RHOA: variants seen among roughly 807,000 people sequenced by gnomAD.
RHOA encodes ras homolog family member A, also known as transforming protein RhoA.
Under a neutral mutation model 17.5 loss-of-function variants are expected in RHOA, and 3 were observed. That is an observed-to-expected ratio of 0.17 (90% confidence interval 0.08 to 0.44). RHOA has a LOEUF of 0.44. Among genes scored for constraint, RHOA ranks in the 20% least tolerant of loss-of-function variants. The probability of loss-of-function intolerance (pLI) is 0.99; values close to 1 mark genes in which losing one functional copy is unlikely to be tolerated. For missense variants in RHOA, 56 were observed against 242.3 expected (o/e 0.23, Z 5.10); for synonymous variants, 98 against 88.4 (o/e 1.11, Z -0.61).
Position 49,359,910 on chromosome 3 carries a change from C to A in RHOA, c.*299G>T. Reference sequence around the variant, plus strand: ...CAGCCTAATTCACAAAAGTTACCAACTGTTTCTCTTTCTAGAAAGAAGCAA... The same window carrying A: ...CAGCCTAATTCACAAAAGTTACCAAATGTTTCTCTTTCTAGAAAGAAGCAA... On this transcript the variant is annotated 3_prime_UTR_variant, in exon 5 of 5. Coordinates refer to ENST00000418115, the MANE Select transcript of RHOA (RefSeq NM_001664.4). 1 of 353,434 alleles carries A rather than the reference C, an allele frequency of 2.8e-6. No homozygotes were observed. Among genetic ancestry groups the A allele is most frequent in the East Asian group, 4.6e-5 (1 of 21,526 alleles). The allele number at this position is 353,434 out of a possible 1,614,324, so 21.9% of individuals were successfully genotyped here. A position where few individuals can be genotyped will look rare whatever the true frequency, so the allele number is the denominator to read the frequency against.
Position 49,360,500 on chromosome 3 carries a change from G to A in RHOA, c.409-118C>T, listed in dbSNP as rs745479158. ...TTCTTTTTTTGAGACAGTTTTGCTC[G>A]TCGGTCGCCCAGGCTGGAGGGCAAT... is the stretch of plus-strand genomic sequence containing the variant. On this transcript the variant is annotated intron_variant, in intron 4 of 4. Transcript: ENST00000418115. 795 of 1,111,594 alleles carry A rather than the reference G, an allele frequency of 7.2e-4. 2 individuals carry two copies. The highest frequency in any genetic ancestry group is 7.5e-4 in the Non-Finnish European group (610 of 810,286). 68.9% of individuals were successfully genotyped at this position (1,111,594 alleles called of 1,614,324 possible).
At chr3:49,386,637 T>C (rs114505465) in intron 1 of RHOA, among the ~76,000 whole-genome samples, 69 of 152,294 alleles carry the variant, frequency 4.5e-4, no homozygotes, top group African/African-American at 1.6e-3. Context: ...AGCTTTAGCG[T>C]ATTATTCTCC....
At chr3:49,383,345 G>A (rs940197945) in intron 1 of RHOA, among the ~76,000 whole-genome samples, 2 of 150,118 alleles carry the variant, frequency 1.3e-5, no homozygotes, top group East Asian at 2.0e-4. Context: ...GCGTGAACCC[G>A]GAAGGTGGAG....
chr3:49,391,596 T>G (rs944998669), intron 1 of RHOA, among the ~76,000 whole-genome samples: 1 of 151,858 alleles, frequency 6.6e-6, no homozygotes, highest in Admixed American at 6.6e-5. Context: ...CAGGCTGGAG[T>G]GCAATGGCGC....
rs199779593 is a variant in RHOA at position 49,368,415 on chromosome 3, C to A, written c.277+13G>T. The A allele has an allele frequency of 1.2e-6, 2 of 1,612,026 alleles. No individual in the cohort carries two copies. The highest frequency in any genetic ancestry group is 1.7e-6 in the Non-Finnish European group (2 of 1,178,614). Reference sequence around the variant, plus strand: ...ACAGGCAGTGACAAATATCAGGGTGCAGGGCCACTCACCTAAACTATCAGG... The same window carrying A: ...ACAGGCAGTGACAAATATCAGGGTGAAGGGCCACTCACCTAAACTATCAGG... On this transcript the variant is annotated intron_variant, in intron 3 of 4. Transcript: ENST00000418115.
intron 1 of RHOA, among the ~76,000 whole-genome samples, chr3:49,386,396 TAAAC>T (rs2107869196): frequency 6.6e-6 from 1 of 152,344 alleles, no homozygotes; most frequent in Non-Finnish European, 1.5e-5. Context: ...TTATAAACTT[TAAAC>T]AAACAATCCT....
At chr3:49,383,025 G>C (rs533845393) in intron 1 of RHOA, among the ~76,000 whole-genome samples, 3 of 151,540 alleles carry the variant, frequency 2.0e-5, no homozygotes, top group African/African-American at 7.3e-5. Context: ...TTGCACTCCA[G>C]CCTGGGCGAC....
At chr3:49,411,432 C>G (rs1473223708) in intron 1 of RHOA, among the ~76,000 whole-genome samples, 1 of 152,254 alleles carries the variant, frequency 6.6e-6, no homozygotes, top group African/African-American at 2.4e-5. Flanking sequence ...TCAACTCCGA[C>G]AGCCACGCGC....
intron 1 of RHOA, among the ~76,000 whole-genome samples, chr3:49,393,510 C>T (rs572272109): frequency 2.0e-4 from 30 of 151,442 alleles, no homozygotes; most frequent in Non-Finnish European, 3.7e-4. Context: ...ATGGGCCAGA[C>T]GGGTCTCCAA....
At chr3:49,406,433 T>C (rs75307391) in intron 1 of RHOA, among the ~76,000 whole-genome samples, 1 of 152,314 alleles carries the variant, frequency 6.6e-6, no homozygotes, top group Admixed American at 6.5e-5. Flanking sequence ...GCAACTTTTT[T>C]AAATCATGGG....
At chr3:49,401,124 C>G (rs1446705711) in intron 1 of RHOA, among the ~76,000 whole-genome samples, 1 of 150,150 alleles carries the variant, frequency 6.7e-6, no homozygotes, top group Non-Finnish European at 1.5e-5. Context: ...ATATTAGACA[C>G]TAGGGCCTTC....
chr3:49,409,978 G>A (rs148333952), intron 1 of RHOA, among the ~76,000 whole-genome samples: 92 of 152,276 alleles, frequency 6.0e-4, no homozygotes, highest in Non-Finnish European at 1.1e-3. Flanking sequence ...ACAAAGCCAT[G>A]ATTAGGCCAA....
chr3:49,360,131 A>G lies in RHOA; in HGVS notation c.*78T>C, dbSNP rs2107825611. 1 of 1,358,120 alleles carries G rather than the reference A, an allele frequency of 7.4e-7. No individual in the cohort carries two copies. The highest frequency in any genetic ancestry group is 2.4e-5 in the East Asian group (1 of 42,478). The allele number at this position is 1,358,120 out of a possible 1,614,324, so 84.1% of individuals were successfully genotyped here. A position where few individuals can be genotyped will look rare whatever the true frequency, so the allele number is the denominator to read the frequency against. On this transcript the variant is annotated 3_prime_UTR_variant, in exon 5 of 5. Transcript: ENST00000418115. ...TAGGTAAATTATAGATAAATGAAAA[A>G]GGCCAGTAATCATACACTAAGATTA... is the stretch of plus-strand genomic sequence containing the variant.
intron 1 of RHOA, among the ~76,000 whole-genome samples, chr3:49,393,108 G>A (rs911922504): frequency 5.3e-5 from 8 of 152,056 alleles, no homozygotes; most frequent in Non-Finnish European, 2.9e-5. Context: ...CCTGGGAGGC[G>A]GAGGCTGCAG....
In RHOA at chr3:49,391,323, C is replaced by CA. The variant is rs201403379; in HGVS notation, c.-2-15733dup. Among the ~76,000 whole-genome samples, 583 of 149,994 alleles carry CA rather than the reference C, an allele frequency of 3.9e-3. 2 individuals carry two copies. Among genetic ancestry groups the CA allele is most frequent in the African/African-American group, 0.013 (550 of 40,756 alleles). ...AGGAAGATCAGTTGAACCCAGGAGA[C>CA]AGAGGCTGCAGTGAGCCAAGATCAC... is the stretch of plus-strand genomic sequence containing the variant. On this transcript the variant is annotated intron_variant, in intron 1 of 4. Transcript: ENST00000418115.
chr3:49,398,549 C>T (rs566277796), intron 1 of RHOA, among the ~76,000 whole-genome samples: 15 of 151,574 alleles, frequency 9.9e-5, no homozygotes, highest in Non-Finnish European at 1.8e-4. Flanking sequence ...GCTGGCAGGG[C>T]GCGGTGGCTC....
chr3:49,394,578 T>A (rs2048580770), intron 1 of RHOA, among the ~76,000 whole-genome samples: 2 of 150,462 alleles, frequency 1.3e-5, no homozygotes, highest in African/African-American at 4.9e-5. Context: ...CTCAAACTCT[T>A]CACCTCAAGT....
At chr3:49,369,659 C>T (rs1031112438) in intron 2 of RHOA, among the ~76,000 whole-genome samples, 1 of 151,628 alleles carries the variant, frequency 6.6e-6, no homozygotes, top group African/African-American at 2.4e-5. Flanking sequence ...TGCTTGAACT[C>T]GAGAGGCAAA....
chr3:49,402,376 C>A (rs761141690), intron 1 of RHOA, among the ~76,000 whole-genome samples: 3 of 151,980 alleles, frequency 2.0e-5, no homozygotes, highest in Admixed American at 6.6e-5. Flanking sequence ...TTTACTTTTA[C>A]CAAGTATATA....
Sources: allele counts gnomAD v4.1 joint callset (sites outside exome capture counted in the v4.1 genomes callset), GRCh38; gene constraint gnomAD v4.1.1; transcripts MANE v1.5; gene names NCBI Gene and HGNC (gene_info 2026-07-23, HGNC 2026-07-21).